The following GINS2 variants were observed in gnomAD, a reference collection of about 807,000 sequenced individuals.
The protein encoded by GINS2 is GINS complex subunit 2, also known as DNA replication complex GINS protein PSF2.
Under a neutral mutation model 21.2 loss-of-function variants are expected in GINS2, and 23 were observed. The observed-to-expected ratio is 1.08, with a 90% CI of 0.78 to 1.53. The LOEUF (loss-of-function observed/expected upper bound fraction) is 1.53. GINS2 is among the 40% of genes most tolerant of loss of function. The pLI, the probability that GINS2 is intolerant of heterozygous loss-of-function variation, is 0.00. For missense variants in GINS2, 323 were observed against 233.9 expected, an observed-to-expected ratio of 1.38 and a Z score of -2.49; for synonymous variants, 118 against 85.6, an observed-to-expected ratio of 1.38 and a Z score of -2.09.
Position 85,688,906 on chromosome 16 carries a change from C to T in GINS2, c.-8G>A. 1.3e-6 allele frequency: 2 copies of T among 1,532,350 alleles called. No homozygotes were observed. The highest frequency in any genetic ancestry group is 1.8e-6 in the Non-Finnish European group (2 of 1,136,712). The allele number at this position is 1,532,350 out of a possible 1,614,324, so 94.9% of individuals were successfully genotyped here. A position where few individuals can be genotyped will look rare whatever the true frequency, so the allele number is the denominator to read the frequency against. On this transcript the variant is annotated 5_prime_UTR_variant, in exon 1 of 5. Transcript: ENST00000253462. Reference sequence around the variant, plus strand: ...GACCTCGGCAGCGTCCATGGCGGCGCGAGCTGCAGGCCAGAGCCTCACGGT... The same window carrying T: ...GACCTCGGCAGCGTCCATGGCGGCGTGAGCTGCAGGCCAGAGCCTCACGGT...
rs1232282515 is a variant in GINS2 at position 85,688,952 on chromosome 16, C to T, written c.-54G>A. On this transcript the variant is annotated 5_prime_UTR_variant, in exon 1 of 5. Coordinates refer to ENST00000253462, the MANE Select transcript of GINS2 (RefSeq NM_016095.3). Reference sequence around the variant, plus strand: ...ACGGTCTCCTCGGGCCCCTCAGCGTCCCGGAGGAGACGCCGCGGCCGCCGT... The same window carrying T: ...ACGGTCTCCTCGGGCCCCTCAGCGTTCCGGAGGAGACGCCGCGGCCGCCGT... 1.6e-6 allele frequency: 2 copies of T among 1,287,880 alleles called. No homozygotes were observed. Among genetic ancestry groups the T allele is most frequent in the Non-Finnish European group, 2.1e-6 (2 of 941,052 alleles). The allele number at this position is 1,287,880 out of a possible 1,614,324, so 79.8% of individuals were successfully genotyped here.
intron 2 of GINS2, among the ~76,000 whole-genome samples, chr16:85,685,750 T>A (rs1219345706): frequency 6.6e-6 from 1 of 150,710 alleles, no homozygotes; most frequent in Non-Finnish European, 1.5e-5. Flanking sequence ...CCTGAGTCAC[T>A]TGCCACTTTA....
intron 2 of GINS2, among the ~76,000 whole-genome samples, chr16:85,682,170 C>T (rs11862455): frequency 0.011 from 1,691 of 151,964 alleles, 34 homozygotes; most frequent in African/African-American, 0.039. Flanking sequence ...GCTGAGATCA[C>T]AGGCACATGC....
At chr16:85,687,649 A>C in intron 1 of GINS2, 75 bp from the exon 2 acceptor site, 1 of 796,132 alleles carries the variant, frequency 1.3e-6, no homozygotes. Context: ...ACTGCTATCA[A>C]ATAAGAGGCA....
rs377075763 is a variant in GINS2 at position 85,677,841 on chromosome 16, G to A, written c.*371C>T. ...AGGGGTAAAAAGCCGTGGACCACAT[G>A]GCCACTCCTGCTGTATCTACACCTA... On this transcript the variant is annotated 3_prime_UTR_variant, in exon 5 of 5. Transcript: ENST00000253462. 7.9e-5 allele frequency: 14 copies of A among 177,338 alleles called. No individual in the cohort carries two copies. The East Asian group carries it at 1.5e-3, about 19-fold the overall frequency. The allele number at this position is 177,338 out of a possible 1,614,324, so 11.0% of individuals were successfully genotyped here.
rs189422230 is a variant in GINS2 at position 85,678,602 on chromosome 16, G to C, written c.370C>G (p.Arg124Gly). ...RTLVKDMWDT[R>G]IAKLRVSADS... Reference sequence around the variant, plus strand: ...GCAGACACTCGGAGTTTGGCTATACGAGTGTCCCACATATCCTTGACCAGG... The same window carrying C: ...GCAGACACTCGGAGTTTGGCTATACCAGTGTCCCACATATCCTTGACCAGG... Residue 124 changes from arginine (R) to glycine (G), a missense_variant, in exon 4 of 5, where the codon CGT (arginine) becomes GGT (glycine). Arg to Gly is a moderately radical substitution (Grantham distance 125, BLOSUM62 -2). Transcript: ENST00000253462. 3.3e-5 allele frequency: 54 copies of C among 1,613,728 alleles called. No individual in the cohort carries two copies. Among genetic ancestry groups the C allele is most frequent in the East Asian group, 8.9e-5 (4 of 44,896 alleles).
At position 85,678,657 on chromosome 16, in the gene GINS2, G is replaced by A. The variant is rs776873622; in HGVS notation, c.315C>T (p.Asp105=). The change falls in exon 4 of 5, where the codon GAC becomes GAT. Residue 105 remains aspartate, a synonymous_variant. Coordinates refer to ENST00000253462, the MANE Select transcript of GINS2 (RefSeq NM_016095.3). Reference sequence around the variant, plus strand: ...GGATTTCGTCTGCCTTCGGGATGTTGTCTGAAGCACTAAAGGAGCAAGGGC... The same window carrying A: ...GGATTTCGTCTGCCTTCGGGATGTTATCTGAAGCACTAAAGGAGCAAGGGC... The part of the protein sequence containing the change: ...LTKLLLNHAS[D]NIPKADEIRT... The A allele has an allele frequency of 1.9e-5, 30 of 1,613,666 alleles. No homozygotes were observed. The highest frequency in any genetic ancestry group is 2.4e-5 in the Non-Finnish European group (28 of 1,179,894).
chr16:85,683,744 CCTT>C (rs2053752925), intron 2 of GINS2, among the ~76,000 whole-genome samples: 1 of 152,256 alleles, frequency 6.6e-6, no homozygotes. Context: ...ATTGCACCAA[CCTT>C]CTCTACACAG....
chr16:85,678,653 T>A lies in GINS2; in HGVS notation c.319A>T (p.Ile107Phe). 6.2e-7 allele frequency: 1 copy of A among 1,613,718 alleles called. No homozygotes were observed. ...GTCCGGATTTCGTCTGCCTTCGGGA[T>A]GTTGTCTGAAGCACTAAAGGAGCAA... ...KLLLNHASDN[I>F]PKADEIRTLV... is the part of the protein sequence containing the mutation. The change falls in exon 4 of 5, where the codon ATC (isoleucine) becomes TTC (phenylalanine). Residue 107 changes from isoleucine to phenylalanine, a missense_variant. Physicochemically the swap from Ile to Phe is conservative, Grantham distance 21. Coordinates refer to ENST00000253462, the MANE Select transcript of GINS2 (RefSeq NM_016095.3).
At position 85,676,536 on chromosome 16, in the gene GINS2, G is replaced by C. The variant is rs924618833; in HGVS notation, c.*1676C>G. ...AAATAACCACCAAAACCTGCCTGGCGGGGACACGTGGGCAGCAACATGGAG... is the reference window on the plus strand; with the variant it reads ...AAATAACCACCAAAACCTGCCTGGCCGGGACACGTGGGCAGCAACATGGAG... On this transcript the variant is annotated 3_prime_UTR_variant, in exon 5 of 5. Transcript: ENST00000253462. The C allele has an allele frequency of 5.9e-5, 9 of 152,214 alleles. No homozygotes were observed. 9.4% of individuals were successfully genotyped at this position (152,214 alleles called of 1,614,324 possible). A position where few individuals can be genotyped will look rare whatever the true frequency, so the allele number is the denominator to read the frequency against.
intron 1 of GINS2, 136 bp from the exon 2 acceptor site, chr16:85,687,710 T>C: frequency 3.6e-6 from 2 of 554,034 alleles, no homozygotes; most frequent in Non-Finnish European, 6.3e-6. Flanking sequence ...ACCCAACTGT[T>C]ACCAGACTCA....
intron 2 of GINS2, among the ~76,000 whole-genome samples, chr16:85,682,319 C>A (rs1046379203): frequency 2.6e-5 from 4 of 152,090 alleles, no homozygotes; most frequent in Non-Finnish European, 5.9e-5. Context: ...CAGTATTAGA[C>A]CTTTGATGCA....
At chr16:85,681,856 C>T (rs1051774430) in intron 2 of GINS2, among the ~76,000 whole-genome samples, 175 bp from the exon 3 acceptor site, 1 of 152,056 alleles carries the variant, frequency 6.6e-6, no homozygotes, top group African/African-American at 2.4e-5. Context: ...GAGGCCTCCT[C>T]CTTGAAACTT....
At position 85,685,670 on chromosome 16, in the gene GINS2, C is replaced by CAAAAAAAAAAAA. The variant is rs752631926; in HGVS notation, c.205+1778_205+1789dup. Among the ~76,000 whole-genome samples the CAAAAAAAAAAAA allele has an allele frequency of 1.2e-3, 65 of 55,294 alleles. 3 individuals are homozygous for CAAAAAAAAAAAA. The highest frequency in any genetic ancestry group is 4.0e-3 in the African/African-American group (65 of 16,426). The allele number at this position is 55,294 out of a possible 152,430, so 36.3% of individuals were successfully genotyped here. On this transcript the variant is annotated intron_variant, in intron 2 of 4. Coordinates refer to ENST00000253462, the MANE Select transcript of GINS2 (RefSeq NM_016095.3). ...TGGGTGACAGAGCAAGACCCTTTCT[C>CAAAAAAAAAAAA]AAAAAAAAAAAAAAAAAAAAACCGT... is the stretch of plus-strand genomic sequence containing the variant.
At chr16:85,683,293 C>G (rs1446737442) in intron 2 of GINS2, among the ~76,000 whole-genome samples, 1 of 152,026 alleles carries the variant, frequency 6.6e-6, no homozygotes, top group Non-Finnish European at 1.5e-5. Flanking sequence ...AGCTCAGCTC[C>G]CAACCCCTTT....
At position 85,677,585 on chromosome 16, in the gene GINS2, C is replaced by G. The variant is rs1598756490; in HGVS notation, c.*627G>C. 6.6e-6 allele frequency: 1 copy of G among 152,296 alleles called. No individual in the cohort carries two copies. The highest frequency in any genetic ancestry group is 6.5e-5 in the Admixed American group (1 of 15,292). 9.4% of individuals were successfully genotyped at this position (152,296 alleles called of 1,614,324 possible). On this transcript the variant is annotated 3_prime_UTR_variant, in exon 5 of 5. Coordinates refer to ENST00000253462, the MANE Select transcript of GINS2 (RefSeq NM_016095.3). ...GCAGTTTCCACTTAACTGCCGTGTG[C>G]CTCAGTTTCGTTGACTGAGTCATCT...
At chr16:85,681,124 G>C (rs1301447766) in intron 3 of GINS2, among the ~76,000 whole-genome samples, 1 of 152,226 alleles carries the variant, frequency 6.6e-6, no homozygotes, top group South Asian at 2.1e-4. Flanking sequence ...GCAAATGTAA[G>C]CCCTCTGGCC....
intron 2 of GINS2, among the ~76,000 whole-genome samples, chr16:85,686,922 A>G (rs1194749498): frequency 6.6e-6 from 1 of 152,264 alleles, no homozygotes; most frequent in Non-Finnish European, 1.5e-5. Flanking sequence ...AAGCAAATTG[A>G]AATATCTTAC....
At position 85,678,046 on chromosome 16, in the gene GINS2, G is replaced by C. The variant is rs2053697446; in HGVS notation, c.*166C>G. 1 of 634,402 alleles carries C rather than the reference G, an allele frequency of 1.6e-6. No individual in the cohort carries two copies. The allele number at this position is 634,402 out of a possible 1,614,324, so 39.3% of individuals were successfully genotyped here. On this transcript the variant is annotated 3_prime_UTR_variant, in exon 5 of 5. Transcript: ENST00000253462. ...AATGTCCCAGGGAGCTAAGTTTTAAGGACTAATCACAAACTTGTTTCTCCA... is the reference window on the plus strand; with the variant it reads ...AATGTCCCAGGGAGCTAAGTTTTAACGACTAATCACAAACTTGTTTCTCCA...
Sources: gnomAD v4.1 joint callset for allele counts (sites outside exome capture counted in the v4.1 genomes callset) on GRCh38, gnomAD v4.1.1 for gene constraint, MANE v1.5 for transcripts, NCBI Gene and HGNC (gene_info 2026-07-23, HGNC 2026-07-21) for gene names.